The following L3MBTL4 variants were observed in gnomAD, a reference collection of about 807,000 sequenced individuals.
The protein encoded by L3MBTL4 is L3MBTL histone methyl-lysine binding protein 4, also known as lethal(3)malignant brain tumor-like protein 4.
A neutral mutation model predicts 84.5 loss-of-function variants in L3MBTL4; 70 were observed. The ratio of observed to expected loss-of-function variants is 0.83; its 90% CI spans 0.68 to 1.01. L3MBTL4 has a LOEUF of 1.01. Ranked by LOEUF, L3MBTL4 falls within the 50% of genes least tolerant of loss-of-function variation. The probability of loss-of-function intolerance (pLI) is 0.00; values close to 1 mark genes in which losing one functional copy is unlikely to be tolerated. For missense variants in L3MBTL4, 715 were observed against 754.8 expected, an observed-to-expected ratio of 0.95 and a Z score of 0.62; for synonymous variants, 274 against 259.8, an observed-to-expected ratio of 1.05 and a Z score of -0.52.
chr18:6,336,180 A>G (rs1021065637), intron 1 of L3MBTL4, among the ~76,000 whole-genome samples: 2 of 152,328 alleles, frequency 1.3e-5, no homozygotes, highest in Admixed American at 1.3e-4. Flanking sequence ...TACATAAAAT[A>G]CTAAACTAAT....
At chr18:6,182,486 G>A (rs564931095) in intron 12 of L3MBTL4, among the ~76,000 whole-genome samples, 7 of 152,228 alleles carry the variant, frequency 4.6e-5, no homozygotes, top group African/African-American at 1.2e-4. Flanking sequence ...CCATTCTGTA[G>A]GCTGTCCATT....
intron 1 of L3MBTL4, among the ~76,000 whole-genome samples, chr18:6,383,581 G>T (rs1233488886): frequency 6.6e-6 from 1 of 152,164 alleles, no homozygotes; most frequent in Non-Finnish European, 1.5e-5. Flanking sequence ...CCAACCTCTT[G>T]CCCTTCCTGG....
intron 4 of L3MBTL4, among the ~76,000 whole-genome samples, chr18:6,272,553 G>C (rs1490646686): frequency 8.7e-5 from 6 of 68,672 alleles, no homozygotes; most frequent in Admixed American, 4.9e-4. Context: ...TGAATATAAG[G>C]AACACAGAAG....
chr18:6,036,000 T>C (rs2056119276), intron 16 of L3MBTL4, among the ~76,000 whole-genome samples: 2 of 152,182 alleles, frequency 1.3e-5, no homozygotes, highest in African/African-American at 4.8e-5. Context: ...GACAGTATCT[T>C]TGTGTTTTTT....
At chr18:5,984,209 G>A (rs2053366100) in intron 16 of L3MBTL4, among the ~76,000 whole-genome samples, 1 of 152,268 alleles carries the variant, frequency 6.6e-6, no homozygotes, top group East Asian at 1.9e-4. Context: ...ACCGCACCCT[G>A]CCCATCTGAA....
At chr18:6,294,950 C>G (rs1286580059) in intron 4 of L3MBTL4, among the ~76,000 whole-genome samples, 1 of 152,034 alleles carries the variant, frequency 6.6e-6, no homozygotes, top group Non-Finnish European at 1.5e-5. Context: ...TAATGAATTC[C>G]TCCGGCACAT....
chr18:6,094,310 A>C lies in L3MBTL4; in HGVS notation c.1200-782T>G, dbSNP rs2058558597. Among the ~76,000 whole-genome samples the C allele has an allele frequency of 1.3e-5, 2 of 152,232 alleles. 1 individual carries two copies. The highest frequency in any genetic ancestry group is 4.8e-5 in the African/African-American group (2 of 41,456). ...CTGCTAGAAATGAGGTTGCTATACC[A>C]GGGAAGACACACCCAAGACAGGTCA... On this transcript the variant is annotated intron_variant, in intron 14 of 18. Coordinates refer to ENST00000317931, the MANE Select transcript of L3MBTL4 (RefSeq NM_001330559.2).
rs543857316 is a variant in L3MBTL4 at position 6,227,059 on chromosome 18, C to A, written c.784+10905G>T. ...TTACCAGGGATGAAAAAGAAAAATACATAAAAATAAAGGGGACAATTCTTT... is the reference window on the plus strand; with the variant it reads ...TTACCAGGGATGAAAAAGAAAAATAAATAAAAATAAAGGGGACAATTCTTT... On this transcript the variant is annotated intron_variant, in intron 10 of 18. Transcript: ENST00000317931. Among the ~76,000 whole-genome samples the A allele has an allele frequency of 1.1e-4, 16 of 152,082 alleles. No homozygotes were observed. In the South Asian group the frequency reaches 3.3e-3, roughly 32 times the overall value.
intron 14 of L3MBTL4, among the ~76,000 whole-genome samples, chr18:6,133,118 C>T (rs1409345909): frequency 6.6e-6 from 1 of 152,084 alleles, no homozygotes; most frequent in Non-Finnish European, 1.5e-5. Flanking sequence ...ACCTGTCGCT[C>T]AAAATACTAC....
intron 16 of L3MBTL4, among the ~76,000 whole-genome samples, chr18:6,007,919 TCTA>T (rs1208414575): frequency 1.3e-5 from 2 of 152,110 alleles, no homozygotes; most frequent in African/African-American, 4.8e-5. Context: ...GGTAAGAAAA[TCTA>T]CTAAGTTTGC....
chr18:6,186,927 G>A (rs924421227), intron 12 of L3MBTL4, among the ~76,000 whole-genome samples: 1 of 152,126 alleles, frequency 6.6e-6, no homozygotes, highest in African/African-American at 2.4e-5. Flanking sequence ...AGAAGGCTCT[G>A]CTCAGAAACC....
At chr18:6,247,447 C>A (rs75232748) in intron 5 of L3MBTL4, among the ~76,000 whole-genome samples, 4,544 of 141,836 alleles carry the variant, frequency 0.032, 246 homozygotes, top group African/African-American at 0.12. Context: ...TTTAAGAATG[C>A]AGACTTCCCC....
At chr18:6,355,664 A>G (rs1219933353) in intron 1 of L3MBTL4, among the ~76,000 whole-genome samples, 1 of 152,162 alleles carries the variant, frequency 6.6e-6, no homozygotes, top group African/African-American at 2.4e-5. Context: ...ACATATGGCT[A>G]GCTTCAATAA....
At chr18:6,390,049 C>CA (rs1251845650) in intron 1 of L3MBTL4, among the ~76,000 whole-genome samples, 1 of 151,800 alleles carries the variant, frequency 6.6e-6, no homozygotes, top group African/African-American at 2.4e-5. Flanking sequence ...TATGATAGGC[C>CA]AAAAAACAAG....
In L3MBTL4 at chr18:6,119,678, C is replaced by T. The variant is rs142097522; in HGVS notation, c.1199+18516G>A. ...TAAGGAATATTATTTGATAGAAGACCATGGCTCTCTCATGTATGTGGAGGT... is the reference window on the plus strand; with the variant it reads ...TAAGGAATATTATTTGATAGAAGACTATGGCTCTCTCATGTATGTGGAGGT... On this transcript the variant is annotated intron_variant, in intron 14 of 18. Transcript: ENST00000317931. Among the ~76,000 whole-genome samples, 492 of 152,204 alleles carry T rather than the reference C, an allele frequency of 3.2e-3. 7 individuals carry two copies. Among genetic ancestry groups the T allele is most frequent in the Non-Finnish European group, 8.1e-4 (55 of 68,008 alleles).
At chr18:6,180,365 C>A (rs1001642696) in intron 12 of L3MBTL4, among the ~76,000 whole-genome samples, 1 of 152,086 alleles carries the variant, frequency 6.6e-6, no homozygotes, top group Admixed American at 6.5e-5. Flanking sequence ...TAAACCCTCC[C>A]TCTCCCCCAG....
chr18:6,246,799 G>C (rs1383261370), intron 5 of L3MBTL4, among the ~76,000 whole-genome samples: 2 of 152,122 alleles, frequency 1.3e-5, no homozygotes, highest in East Asian at 3.9e-4. Context: ...AGCTACTCTG[G>C]AGGCTGAGGC....
intron 1 of L3MBTL4, among the ~76,000 whole-genome samples, chr18:6,330,115 T>G (rs1483975546): frequency 6.6e-6 from 1 of 152,232 alleles, no homozygotes; most frequent in Non-Finnish European, 1.5e-5. Flanking sequence ...ATAATGCTAC[T>G]TAAACAATCT....
chr18:6,227,084 T>C (rs1285859192), intron 10 of L3MBTL4, among the ~76,000 whole-genome samples: 5 of 152,168 alleles, frequency 3.3e-5, no homozygotes, highest in Non-Finnish European at 7.3e-5. Context: ...GACAATTCTT[T>C]AAGAGAACAA....
Sources: allele counts gnomAD v4.1 joint callset (sites outside exome capture counted in the v4.1 genomes callset), GRCh38; gene constraint gnomAD v4.1.1; transcripts MANE v1.5; gene names NCBI Gene and HGNC (gene_info 2026-07-23, HGNC 2026-07-21).